GFOD1: variants seen among roughly 807,000 people sequenced by gnomAD.
GFOD1 encodes Gfo/Idh/MocA-like oxidoreductase domain containing 1, also known as glucose-fructose oxidoreductase domain-containing protein 1.
A neutral mutation model predicts 25.4 loss-of-function variants in GFOD1; 9 were observed. That is an observed-to-expected ratio of 0.35 (90% confidence interval 0.21 to 0.62). The LOEUF (loss-of-function observed/expected upper bound fraction) is 0.62, where lower values mean the gene tolerates loss of function less well. GFOD1 is among the 20% of genes least tolerant of loss of function. GFOD1 has a pLI of 0.72. For missense variants in GFOD1, 403 were observed against 556.9 expected (o/e 0.72, Z 2.78); for synonymous variants, 253 against 245.6 (o/e 1.03, Z -0.28).
intron 1 of GFOD1, among the ~76,000 whole-genome samples, chr6:13,456,802 G>C (rs1389562239): frequency 6.6e-6 from 1 of 152,168 alleles, no homozygotes; most frequent in East Asian, 1.9e-4. Flanking sequence ...AGCCTCCTGG[G>C]AATGAAAACC....
chr6:13,477,495 G>C (rs1352510576), intron 1 of GFOD1, among the ~76,000 whole-genome samples: 2 of 151,864 alleles, frequency 1.3e-5, no homozygotes, highest in Non-Finnish European at 2.9e-5. Context: ...ATGTCTCGTG[G>C]CACTCCTGTG....
chr6:13,460,868 G>A (rs1463516922), intron 1 of GFOD1, among the ~76,000 whole-genome samples: 1 of 152,158 alleles, frequency 6.6e-6, no homozygotes. Context: ...AGGGTTTGCA[G>A]GAGTAAGTCT....
chr6:13,378,616 C>G (rs559691654), intron 1 of GFOD1, among the ~76,000 whole-genome samples: 2 of 152,238 alleles, frequency 1.3e-5, no homozygotes, highest in South Asian at 4.1e-4. Context: ...TACAGGATTC[C>G]CACAGCTGAA....
chr6:13,370,638 G>T (rs147354697), intron 1 of GFOD1, among the ~76,000 whole-genome samples: 76 of 152,118 alleles, frequency 5.0e-4, no homozygotes, highest in African/African-American at 1.7e-3. Context: ...GCTATCAAAA[G>T]GTTCTTGCTA....
intron 1 of GFOD1, among the ~76,000 whole-genome samples, chr6:13,444,343 C>T (rs1319349971): frequency 6.6e-6 from 1 of 151,236 alleles, no homozygotes; most frequent in Non-Finnish European, 1.5e-5. Context: ...TAACAACAGA[C>T]ACGCGGGTCT....
chr6:13,430,610 G>A lies in GFOD1; in HGVS notation c.253+56028C>T, dbSNP rs1400339092. On this transcript the variant is annotated intron_variant, in intron 1 of 1. Transcript: ENST00000379287. The surrounding 1 kb of genome is among the most constrained non-coding windows in gnomAD (Gnocchi z 4.1). ...TATTATGGGGTTCCCATAGAGACGG[G>A]CAGCTTGTGTACAATGGGGAAGACT... Among the ~76,000 whole-genome samples the A allele has an allele frequency of 6.6e-5, 10 of 152,290 alleles. No homozygotes were observed. In the East Asian group the frequency reaches 1.5e-3, roughly 23 times the overall value.
intron 1 of GFOD1, among the ~76,000 whole-genome samples, chr6:13,369,758 A>G (rs1411001460): frequency 6.6e-6 from 1 of 152,228 alleles, no homozygotes; most frequent in Admixed American, 6.5e-5. Flanking sequence ...TTGTGCAACC[A>G]TAGAAAATGA....
chr6:13,450,607 A>T (rs1358053226), intron 1 of GFOD1, among the ~76,000 whole-genome samples: 1 of 152,188 alleles, frequency 6.6e-6, no homozygotes, highest in East Asian at 1.9e-4. Flanking sequence ...AGCAAATAGC[A>T]GTGGCTACAG....
In GFOD1 at chr6:13,487,454, G is replaced by A. The variant is rs564848591; in HGVS notation, c.-564C>T. On this transcript the variant is annotated 5_prime_UTR_variant, in exon 1 of 2. Coordinates refer to ENST00000379287, the MANE Select transcript of GFOD1 (RefSeq NM_018988.4). The surrounding 1 kb of genome is among the most constrained non-coding windows in gnomAD (Gnocchi z 4.9). ...CCGCGGCCGCCAGGAGGCCGGCTAA[G>A]GATGCGGCCCGGAGCGCGCCGGACT... 3.7e-4 allele frequency: 56 copies of A among 152,344 alleles called. No individual in the cohort carries two copies. Among genetic ancestry groups the A allele is most frequent in the African/African-American group, 1.1e-3 (47 of 41,566 alleles). The allele number at this position is 152,344 out of a possible 1,614,324, so 9.4% of individuals were successfully genotyped here. A position where few individuals can be genotyped will look rare whatever the true frequency, so the allele number is the denominator to read the frequency against.
intron 1 of GFOD1, among the ~76,000 whole-genome samples, chr6:13,401,042 C>A (rs1785830954): frequency 6.6e-6 from 1 of 152,202 alleles, no homozygotes; most frequent in African/African-American, 2.4e-5. Context: ...CTTGTGAAGA[C>A]CATAAGTCTA....
chr6:13,462,068 G>A (rs549214292), intron 1 of GFOD1, among the ~76,000 whole-genome samples: 2 of 152,292 alleles, frequency 1.3e-5, no homozygotes, highest in African/African-American at 2.4e-5. Flanking sequence ...TTAACCTCTC[G>A]GTTTCTCCAT....
At chr6:13,413,176 C>A (rs541574210) in intron 1 of GFOD1, among the ~76,000 whole-genome samples, 1 of 152,320 alleles carries the variant, frequency 6.6e-6, no homozygotes, top group South Asian at 2.1e-4. Flanking sequence ...ACCAGCCACA[C>A]AATTTGTCAC....
chr6:13,417,524 A>T (rs950985121), intron 1 of GFOD1, among the ~76,000 whole-genome samples: 1 of 152,220 alleles, frequency 6.6e-6, no homozygotes, highest in East Asian at 1.9e-4. Flanking sequence ...GATGGACTTA[A>T]ATCAGCTCCA....
chr6:13,380,006 G>C (rs1009393028), intron 1 of GFOD1, among the ~76,000 whole-genome samples: 3 of 152,254 alleles, frequency 2.0e-5, no homozygotes, highest in African/African-American at 7.2e-5. Context: ...CTTTGAGGAT[G>C]AAAGGACAGA....
chr6:13,431,987 T>G (rs1757757026), intron 1 of GFOD1, among the ~76,000 whole-genome samples: 2 of 152,200 alleles, frequency 1.3e-5, no homozygotes, highest in African/African-American at 4.8e-5. Flanking sequence ...CTCAGCAGCA[T>G]TCTGCCTCTA....
At chr6:13,374,180 A>T (rs1451654630) in intron 1 of GFOD1, among the ~76,000 whole-genome samples, 1 of 152,082 alleles carries the variant, frequency 6.6e-6, no homozygotes, top group African/African-American at 2.4e-5. Flanking sequence ...CTCTGATTCC[A>T]CAACTCGATA....
At chr6:13,477,650 A>C (rs1393508132) in intron 1 of GFOD1, among the ~76,000 whole-genome samples, 1 of 145,516 alleles carries the variant, frequency 6.9e-6, no homozygotes, top group African/African-American at 2.4e-5. Flanking sequence ...ATAATAATTT[A>C]ATAATAATAA....
chr6:13,387,299 G>A (rs1261995716), intron 1 of GFOD1, among the ~76,000 whole-genome samples: 2 of 152,084 alleles, frequency 1.3e-5, no homozygotes, highest in African/African-American at 2.4e-5. Flanking sequence ...CCAAAGCCAG[G>A]CAGAGACACA....
At position 13,364,559 on chromosome 6, in the gene GFOD1, C is replaced by A; in HGVS notation, c.*184G>T. On this transcript the variant is annotated 3_prime_UTR_variant, in exon 2 of 2. Coordinates refer to ENST00000379287, the MANE Select transcript of GFOD1 (RefSeq NM_018988.4). The surrounding 1 kb of genome is among the most constrained non-coding windows in gnomAD (Gnocchi z 4.1). ...GCTTCCAGGCTAGGAGCTCAGCCCA[C>A]CAACAGTCTGGTTTGGGGTCGGTCA... 1 of 601,190 alleles carries A rather than the reference C, an allele frequency of 1.7e-6. No homozygotes were observed. The highest frequency in any genetic ancestry group is 2.9e-6 in the Non-Finnish European group (1 of 340,308). The allele number at this position is 601,190 out of a possible 1,614,324, so 37.2% of individuals were successfully genotyped here.
Sources: gnomAD v4.1 joint callset for allele counts (sites outside exome capture counted in the v4.1 genomes callset) on GRCh38, gnomAD v4.1.1 for gene constraint, Gnocchi (gnomAD v3.1) non-coding constraint, MANE v1.5 for transcripts, NCBI Gene and HGNC (gene_info 2026-07-23, HGNC 2026-07-21) for gene names.